The following CDYL2 variants were observed in gnomAD, a reference collection of about 807,000 sequenced individuals.
CDYL2 encodes chromodomain Y-like protein 2.
Under a neutral mutation model 49.4 loss-of-function variants are expected in CDYL2, and 23 were observed. The ratio of observed to expected loss-of-function variants is 0.47; its 90% CI spans 0.34 to 0.66. CDYL2 has a LOEUF of 0.66. Ranked by LOEUF, CDYL2 falls within the 30% of genes least tolerant of loss-of-function variation. The pLI is 0.01. For missense variants in CDYL2, 678 were observed against 656.4 expected, an observed-to-expected ratio of 1.03 and a Z score of -0.36; for synonymous variants, 360 against 268.8, an observed-to-expected ratio of 1.34 and a Z score of -3.32.
intron 1 of CDYL2, among the ~76,000 whole-genome samples, chr16:80,742,639 T>C (rs949517529): frequency 1.3e-5 from 2 of 151,118 alleles, no homozygotes; most frequent in African/African-American, 4.9e-5. Flanking sequence ...GATGGATGGA[T>C]GGATGGAGGA....
At chr16:80,743,772 T>C (rs1309772694) in intron 1 of CDYL2, among the ~76,000 whole-genome samples, 1 of 152,178 alleles carries the variant, frequency 6.6e-6, no homozygotes, top group Admixed American at 6.5e-5. Flanking sequence ...GTATTTTTTT[T>C]AATTTAACCC....
At chr16:80,777,538 G>C (rs907884307) in intron 1 of CDYL2, among the ~76,000 whole-genome samples, 1 of 151,912 alleles carries the variant, frequency 6.6e-6, no homozygotes, top group African/African-American at 2.4e-5. Flanking sequence ...GAGATGAAGG[G>C]TATAACCAAA....
intron 1 of CDYL2, among the ~76,000 whole-genome samples, chr16:80,706,540 A>G (rs561712105): frequency 6.6e-6 from 1 of 152,332 alleles, no homozygotes; most frequent in South Asian, 2.1e-4. Context: ...GTTTGGAAGG[A>G]ATTCATGACT....
chr16:80,704,271 T>C (rs753677313), intron 1 of CDYL2, among the ~76,000 whole-genome samples: 5 of 152,162 alleles, frequency 3.3e-5, no homozygotes, highest in Non-Finnish European at 7.4e-5. Flanking sequence ...ACTTGGCAAA[T>C]TGATATTCTT....
intron 1 of CDYL2, among the ~76,000 whole-genome samples, chr16:80,687,913 G>C (rs1205500030): frequency 6.6e-6 from 1 of 152,152 alleles, no homozygotes; most frequent in Non-Finnish European, 1.5e-5. Flanking sequence ...AACCTTAGTG[G>C]TGTCTAAAGA....
At chr16:80,685,371 G>C (rs1025252860) in intron 1 of CDYL2, among the ~76,000 whole-genome samples, 5 of 152,204 alleles carry the variant, frequency 3.3e-5, no homozygotes, top group Admixed American at 1.3e-4. Context: ...GATGACGCTA[G>C]ATGACACGCC....
chr16:80,770,658 T>C (rs1323256146), intron 1 of CDYL2, among the ~76,000 whole-genome samples: 1 of 152,108 alleles, frequency 6.6e-6, no homozygotes, highest in Non-Finnish European at 1.5e-5. Context: ...CAAAGATAAA[T>C]GTAAAATTTA....
At position 80,684,969 on chromosome 16, in the gene CDYL2, T is replaced by C; in HGVS notation, c.185A>G (p.Lys62Arg). ...IDEFNGLHMS[K>R]DKRIKSGKQS... ...CTTCCCTGACTTGATCCTCTTGTCC[T>C]TGGACATGTGCAACCCATTGAATTC... The change falls in exon 2 of 7, where the codon AAG becomes AGG. Residue 62 changes from lysine to arginine, a missense_variant. By Grantham distance (26) the Lys-to-Arg change is conservative (BLOSUM62 2). Transcript: ENST00000570137. 1.9e-6 allele frequency: 3 copies of C among 1,614,156 alleles called. No homozygotes were observed. The highest frequency in any genetic ancestry group is 1.7e-6 in the Non-Finnish European group (2 of 1,180,016).
At chr16:80,680,755 GAACCATCTCTTACGACCA>G (rs1909937646) in intron 2 of CDYL2, among the ~76,000 whole-genome samples, 1 of 152,130 alleles carries the variant, frequency 6.6e-6, no homozygotes, top group Non-Finnish European at 1.5e-5. Flanking sequence ...ATGGATCTAT[GAACCATCTCTTACGACCA>G]AACACATCTG....
chr16:80,712,363 G>C (rs34405003), intron 1 of CDYL2, among the ~76,000 whole-genome samples: 39,814 of 151,510 alleles, frequency 0.26, 6,594 homozygotes, highest in Middle Eastern at 0.48. Context: ...TCCCTGCCTG[G>C]TGTCCTTTGT....
chr16:80,779,994 G>C (rs1370386627), intron 1 of CDYL2, among the ~76,000 whole-genome samples: 1 of 152,178 alleles, frequency 6.6e-6, no homozygotes, highest in East Asian at 1.9e-4. Context: ...AATGAGTTAA[G>C]ATAGTAGAGA....
chr16:80,629,472 G>A (rs961593132), intron 3 of CDYL2, among the ~76,000 whole-genome samples: 3 of 152,236 alleles, frequency 2.0e-5, no homozygotes, highest in African/African-American at 7.2e-5. Context: ...CTGTGTTCCT[G>A]AGAGTAGTGG....
chr16:80,637,147 A>G (rs12445579), intron 2 of CDYL2, among the ~76,000 whole-genome samples: 21,535 of 151,984 alleles, frequency 0.14, 1,862 homozygotes, highest in Non-Finnish European at 0.2. Flanking sequence ...GCACGTGTAT[A>G]CTTATGTAAC....
chr16:80,663,001 G>A (rs1909110675), intron 2 of CDYL2, among the ~76,000 whole-genome samples: 1 of 151,872 alleles, frequency 6.6e-6, no homozygotes, highest in African/African-American at 2.4e-5. Flanking sequence ...ATAAACACTA[G>A]ACTTACAATG....
intron 1 of CDYL2, among the ~76,000 whole-genome samples, chr16:80,802,009 A>G (rs978918159): frequency 9.2e-5 from 14 of 151,516 alleles, no homozygotes; most frequent in African/African-American, 3.4e-4. Context: ...ATTACCTACT[A>G]TCACAGAAGT....
At chr16:80,720,339 G>A (rs1055923795) in intron 1 of CDYL2, among the ~76,000 whole-genome samples, 1 of 152,164 alleles carries the variant, frequency 6.6e-6, no homozygotes, top group African/African-American at 2.4e-5. Context: ...TAGGCACTGG[G>A]TTTTGCCCCG....
intron 1 of CDYL2, among the ~76,000 whole-genome samples, chr16:80,746,756 C>A (rs1162802502): frequency 6.6e-6 from 1 of 152,236 alleles, no homozygotes; most frequent in East Asian, 1.9e-4. Flanking sequence ...GGTTCTCCAG[C>A]AATATGGCAC....
chr16:80,803,529 G>C (rs567230291), intron 1 of CDYL2, among the ~76,000 whole-genome samples: 28 of 152,034 alleles, frequency 1.8e-4, no homozygotes, highest in Non-Finnish European at 2.4e-4. Flanking sequence ...CAGCAGGTGG[G>C]GGGTGAGGGA....
chr16:80,602,121 C>T lies in CDYL2; in HGVS notation c.*2267G>A, dbSNP rs1178085683. 6.6e-6 allele frequency: 1 copy of T among 152,212 alleles called. No homozygotes were observed. The highest frequency in any genetic ancestry group is 2.4e-5 in the African/African-American group (1 of 41,454). The allele number at this position is 152,212 out of a possible 1,614,324, so 9.4% of individuals were successfully genotyped here. On this transcript the variant is annotated 3_prime_UTR_variant, in exon 7 of 7. Transcript: ENST00000570137. ...AATTTAGCAGTAGTGAAGACACTGT[C>T]TGCCACAATATGTAAGAACCAGGGT...
Sources: allele counts gnomAD v4.1 joint callset (sites outside exome capture counted in the v4.1 genomes callset), GRCh38; gene constraint gnomAD v4.1.1; transcripts MANE v1.5; gene names NCBI Gene and HGNC (gene_info 2026-07-23, HGNC 2026-07-21).